TTC28: variants seen among roughly 807,000 people sequenced by gnomAD.
TTC28 encodes the protein tetratricopeptide repeat protein 28.
In TTC28, 61 loss-of-function variants were observed where a neutral mutation model predicts 198.0. The observed-to-expected ratio is 0.31, with a 90% CI of 0.25 to 0.38. The LOEUF (loss-of-function observed/expected upper bound fraction) is 0.38, where lower values mean the gene tolerates loss of function less well. TTC28 is among the 10% of genes least tolerant of loss of function. The probability of loss-of-function intolerance (pLI) is 1.00; values close to 1 mark genes in which losing one functional copy is unlikely to be tolerated. For missense variants in TTC28, 2,678 were observed against 3,164.0 expected (o/e 0.85, Z 3.69); for synonymous variants, 1,171 against 1,297.8 (o/e 0.90, Z 2.10).
At chr22:28,088,189 G>A (rs1034788954) in intron 12 of TTC28, among the ~76,000 whole-genome samples, 3 of 152,228 alleles carry the variant, frequency 2.0e-5, no homozygotes, top group African/African-American at 7.2e-5. Context: ...CACCAAAAAA[G>A]AGCCCGCATT....
At chr22:28,082,903 T>C (rs1941416834) in intron 12 of TTC28, among the ~76,000 whole-genome samples, 1 of 152,200 alleles carries the variant, frequency 6.6e-6, no homozygotes, top group Non-Finnish European at 1.5e-5. Flanking sequence ...AGGTTTTTGG[T>C]TACTGATTTA....
intron 2 of TTC28, among the ~76,000 whole-genome samples, chr22:28,610,949 G>A (rs1002443239): frequency 2.6e-5 from 4 of 151,984 alleles, no homozygotes; most frequent in East Asian, 1.9e-4. Context: ...TAGCTGAATC[G>A]ATCAAGCGGA....
chr22:28,135,631 GA>G (rs925071534), intron 6 of TTC28, among the ~76,000 whole-genome samples: 2 of 152,186 alleles, frequency 1.3e-5, no homozygotes, highest in African/African-American at 4.8e-5. Flanking sequence ...GTGGTGGGGG[GA>G]AAGTCAGATT....
At chr22:28,081,781 T>C (rs537571492) in intron 12 of TTC28, among the ~76,000 whole-genome samples, 15 of 152,328 alleles carry the variant, frequency 9.8e-5, no homozygotes, top group Admixed American at 3.3e-4. Context: ...CATAAGCCAC[T>C]GAGCCCGGCT....
intron 5 of TTC28, among the ~76,000 whole-genome samples, chr22:28,288,564 T>C (rs535365493): frequency 7.9e-5 from 12 of 152,184 alleles, no homozygotes; most frequent in East Asian, 5.8e-4. Flanking sequence ...TCCCAGCACT[T>C]TGAGAGACTG....
chr22:28,430,397 CTGAT>C (rs2047413918), intron 2 of TTC28, among the ~76,000 whole-genome samples: 1 of 152,034 alleles, frequency 6.6e-6, no homozygotes, highest in Non-Finnish European at 1.5e-5. Context: ...AGATCTCAAA[CTGAT>C]TGTTTAACAG....
At chr22:28,542,955 G>GT (rs2049448962) in intron 2 of TTC28, among the ~76,000 whole-genome samples, 1 of 152,164 alleles carries the variant, frequency 6.6e-6, no homozygotes, top group Non-Finnish European at 1.5e-5. Context: ...ATTCATGCTA[G>GT]TAATCAAGAA....
intron 2 of TTC28, among the ~76,000 whole-genome samples, chr22:28,611,625 A>T (rs927460458): frequency 2.7e-5 from 4 of 148,402 alleles, no homozygotes; most frequent in Non-Finnish European, 6.0e-5. Context: ...GTCATCTAGC[A>T]TTAGGTATAT....
intron 6 of TTC28, among the ~76,000 whole-genome samples, chr22:28,154,503 G>A (rs1363020636): frequency 6.6e-6 from 1 of 151,726 alleles, no homozygotes; most frequent in Non-Finnish European, 1.5e-5. Flanking sequence ...GGCGCCTGCC[G>A]CCACGCCCAG....
At chr22:28,428,895 C>T (rs981597337) in intron 2 of TTC28, among the ~76,000 whole-genome samples, 1 of 152,136 alleles carries the variant, frequency 6.6e-6, no homozygotes, top group African/African-American at 2.4e-5. Flanking sequence ...CCGCCTCGGC[C>T]TCCCAAAGTG....
chr22:28,393,442 G>A (rs1477338614), intron 2 of TTC28, among the ~76,000 whole-genome samples: 8 of 152,020 alleles, frequency 5.3e-5, no homozygotes, highest in South Asian at 4.2e-4. Context: ...CTGTAATCCC[G>A]GCACTTTGGG....
intron 5 of TTC28, among the ~76,000 whole-genome samples, chr22:28,215,815 T>C (rs1569203671): frequency 6.6e-6 from 1 of 152,168 alleles, no homozygotes; most frequent in Non-Finnish European, 1.5e-5. Context: ...TATTTTTAAA[T>C]CATTAGGAAT....
At chr22:28,071,641 A>T (rs1181466428) in intron 12 of TTC28, among the ~76,000 whole-genome samples, 1 of 143,560 alleles carries the variant, frequency 7.0e-6, no homozygotes, top group Non-Finnish European at 1.5e-5. Context: ...CTAGATGACG[A>T]GTTAGTGGGT....
At chr22:28,158,533 C>A (rs55856549) in intron 6 of TTC28, among the ~76,000 whole-genome samples, 10,638 of 152,084 alleles carry the variant, frequency 0.07, 429 homozygotes, top group South Asian at 0.091. Context: ...GCTATAGTAA[C>A]CAAAGCAGCA....
intron 2 of TTC28, among the ~76,000 whole-genome samples, chr22:28,319,770 T>A (rs1160354601): frequency 1.3e-5 from 2 of 152,192 alleles, no homozygotes; most frequent in African/African-American, 4.8e-5. Context: ...TCCATTTGAA[T>A]AATTTGAAGG....
intron 1 of TTC28, among the ~76,000 whole-genome samples, chr22:28,644,361 T>C (rs1163648625): frequency 7.1e-6 from 1 of 140,352 alleles, no homozygotes; most frequent in Non-Finnish European, 1.5e-5. Flanking sequence ...ATCGCACCAC[T>C]GCACCCCAGC....
At chr22:28,562,904 C>T (rs2049910098) in intron 2 of TTC28, among the ~76,000 whole-genome samples, 1 of 152,212 alleles carries the variant, frequency 6.6e-6, no homozygotes, top group Non-Finnish European at 1.5e-5. Flanking sequence ...AGACGGATCA[C>T]TTGAGTTCAG....
intron 12 of TTC28, among the ~76,000 whole-genome samples, chr22:28,076,385 T>C (rs1206829719): frequency 6.6e-6 from 1 of 152,158 alleles, no homozygotes; most frequent in African/African-American, 2.4e-5. Flanking sequence ...TTTACATCAA[T>C]ATGTTAAAGA....
intron 6 of TTC28, among the ~76,000 whole-genome samples, chr22:28,140,123 A>T (rs1008982254): frequency 6.6e-6 from 1 of 151,832 alleles, no homozygotes; most frequent in African/African-American, 2.4e-5. Context: ...GTCTGCTCTG[A>T]CTCTCTGCAG....
Sources: allele counts gnomAD v4.1 joint callset (sites outside exome capture counted in the v4.1 genomes callset), GRCh38; gene constraint gnomAD v4.1.1; transcripts MANE v1.5; gene names NCBI Gene and HGNC (gene_info 2026-07-23, HGNC 2026-07-21).